PCDH8: variants seen among roughly 807,000 people sequenced by gnomAD.
PCDH8 encodes the protein protocadherin 8, also known as protocadherin-8.
Under a neutral mutation model 58.2 loss-of-function variants are expected in PCDH8, and 36 were observed. The ratio of observed to expected loss-of-function variants is 0.62; its 90% confidence interval spans 0.47 to 0.82. PCDH8 has a LOEUF of 0.82. PCDH8 is among the 40% of genes least tolerant of loss of function. The pLI is 0.00. For missense variants in PCDH8, 1,493 were observed against 1,567.8 expected (o/e 0.95, Z 0.81); for synonymous variants, 775 against 728.9 (o/e 1.06, Z -1.02).
At position 52,844,529 on chromosome 13, in the gene PCDH8, C is replaced by A; in HGVS notation, c.*31G>T. The A allele has an allele frequency of 2.0e-6, 3 of 1,519,964 alleles. No individual in the cohort carries two copies. Among genetic ancestry groups the A allele is most frequent in the Non-Finnish European group, 2.7e-6 (3 of 1,132,004 alleles). 94.2% of individuals were successfully genotyped at this position (1,519,964 alleles called of 1,614,324 possible). A position where few individuals can be genotyped will look rare whatever the true frequency, so the allele number is the denominator to read the frequency against. On this transcript the variant is annotated 3_prime_UTR_variant, in exon 3 of 3. Transcript: ENST00000377942. ...TAACTTAGGGGCTTCTCGGAGTGAC[C>A]TGTATATGTGTGAAGACATGCAGCA...
chr13:52,844,743 C>G lies in PCDH8; in HGVS notation c.3030G>C (p.Lys1010Asn), dbSNP rs1965702593. Reference sequence around the variant, plus strand: ...CATAGACGCTCTGCAGCCCCACTGTCTTGGGCAGCTGGGCCTGGTAGTAAT... The same window carrying G: ...CATAGACGCTCTGCAGCCCCACTGTGTTGGGCAGCTGGGCCTGGTAGTAAT... Reference protein sequence around the residue: ...RDNYYQAQLPKTVGLQSVYEK... With the variant: ...RDNYYQAQLPNTVGLQSVYEK... Residue 1010 changes from lysine to asparagine, a missense_variant, in exon 3 of 3, where the codon AAG becomes AAC. Transcript: ENST00000377942. 6.2e-7 allele frequency: 1 copy of G among 1,613,550 alleles called. No individual in the cohort carries two copies. The highest frequency in any genetic ancestry group is 1.3e-5 in the African/African-American group (1 of 74,914).
rs749861077 is a variant in PCDH8 at position 52,847,315 on chromosome 13, G to A, written c.1122C>T (p.Ala374=). The A allele has an allele frequency of 4.3e-6, 6 of 1,407,620 alleles. No homozygotes were observed. In the Admixed American group the frequency reaches 2.0e-4, roughly 47 times the overall value. The allele number at this position is 1,407,620 out of a possible 1,614,324, so 87.2% of individuals were successfully genotyped here. The change falls in exon 1 of 3, where the codon GCC becomes GCT. Residue 374 remains alanine, a synonymous_variant. Transcript: ENST00000377942. ...CCGCTCCCCCGAGTGCAGCGGCGGC[G>A]GCGGCAGCGGCGAAGGGTGAGGTTG... ...APATSPFAAA[A]AAAALGGADA...
intron 2 of PCDH8, 94 bp from the exon 3 acceptor site, chr13:52,845,027 G>C (rs1965708356): frequency 7.3e-7 from 1 of 1,360,596 alleles, no homozygotes; most frequent in Non-Finnish European, 1.0e-6. Context: ...CTGGGTCAGG[G>C]CAGCTGAAAG....
Position 52,848,581 on chromosome 13 carries a change from G to C in PCDH8, c.-145C>G. 7.1e-7 allele frequency: 1 copy of C among 1,403,654 alleles called. No homozygotes were observed. Among genetic ancestry groups the C allele is most frequent in the Non-Finnish European group, 9.3e-7 (1 of 1,075,864 alleles). 86.9% of individuals were successfully genotyped at this position (1,403,654 alleles called of 1,614,324 possible). A position where few individuals can be genotyped will look rare whatever the true frequency, so the allele number is the denominator to read the frequency against. ...CGGGTAGCAGCTCCGAGCCTCCAGCGGGCTCTGAGGACGCGCGGACCCGCC... is the reference window on the plus strand; with the variant it reads ...CGGGTAGCAGCTCCGAGCCTCCAGCCGGCTCTGAGGACGCGCGGACCCGCC... On this transcript the variant is annotated 5_prime_UTR_variant, in exon 1 of 3. Transcript: ENST00000377942.
At position 52,844,909 on chromosome 13, in the gene PCDH8, C is replaced by A. The variant is rs752537106; in HGVS notation, c.2864G>T (p.Cys955Phe). ...QSGLWACTAE[C>F]KILGHSDRCW... ...GCGGTCAGAGTGGCCCAGGATCTTA[C>A]ACTCAGCGGTGCACGCCCACAGTCC... Residue 955 changes from cysteine (C) to phenylalanine (F), a missense_variant, in exon 3 of 3, where the codon TGT (cysteine) becomes TTT (phenylalanine). Cys to Phe is a radical substitution (Grantham distance 205, BLOSUM62 -2). Transcript: ENST00000377942. 6.5e-7 allele frequency: 1 copy of A among 1,538,826 alleles called. No homozygotes were observed. Among genetic ancestry groups the A allele is most frequent in the Middle Eastern group, 1.8e-4 (1 of 5,712 alleles).
At position 52,846,403 on chromosome 13, in the gene PCDH8, C is replaced by G. The variant is rs545449512; in HGVS notation, c.2034G>C (p.Ser678=). ...TGAACACGCGACCGGGTGGCTCCTG[C>G]GAGAGGTCGCCGGTGAGCAGTATCT... ...TGEILLTGDL[S]QEPPGRVFRA... is the part of the protein sequence containing the mutation. Residue 678 remains serine (S), a synonymous_variant, in exon 1 of 3, where the codon TCG becomes TCC. Coordinates refer to ENST00000377942, the MANE Select transcript of PCDH8 (RefSeq NM_002590.4). 28 of 1,594,708 alleles carry G rather than the reference C, an allele frequency of 1.8e-5. No homozygotes were observed. The East Asian group carries it at 6.3e-4, about 36-fold the overall frequency.
At chr13:52,845,711 C>G in intron 1 of PCDH8, 79 bp from the exon 2 acceptor site, 2 of 1,543,524 alleles carry the variant, frequency 1.3e-6, no homozygotes, top group Non-Finnish European at 1.7e-6. Flanking sequence ...GACAGGTTGT[C>G]TACCTGAATG....
chr13:52,846,599 G>T lies in PCDH8; in HGVS notation c.1838C>A (p.Ala613Glu). 2 of 1,605,756 alleles carry T rather than the reference G, an allele frequency of 1.2e-6. No homozygotes were observed. The highest frequency in any genetic ancestry group is 8.5e-7 in the Non-Finnish European group (1 of 1,178,926). ...NDHAPVLVHPAPANGSLEVAV... is the reference protein window; with the variant it reads ...NDHAPVLVHPEPANGSLEVAV... ...CACTTCTAGGGAGCCATTGGCTGGC[G>T]CCGGGTGCACCAGGACTGGCGCATG... is the stretch of plus-strand genomic sequence containing the variant. The change falls in exon 1 of 3, where the codon GCG (alanine) becomes GAG (glutamate). Residue 613 changes from alanine to glutamate, a missense_variant. Physicochemically the swap from Ala to Glu is moderately radical, Grantham distance 107 (BLOSUM62 -1). Transcript: ENST00000377942.
In PCDH8 at chr13:52,843,027, T is replaced by C. The variant is rs1196224577; in HGVS notation, c.*1533A>G. On this transcript the variant is annotated 3_prime_UTR_variant, in exon 3 of 3. Coordinates refer to ENST00000377942, the MANE Select transcript of PCDH8 (RefSeq NM_002590.4). ...TTCTTTAATTGCAAAATGGAGTTAA[T>C]GATACTTCCCATATCCTGGGGGTAG... The C allele has an allele frequency of 6.6e-6, 1 of 152,238 alleles. No individual in the cohort carries two copies. Among genetic ancestry groups the C allele is most frequent in the Admixed American group, 6.5e-5 (1 of 15,284 alleles). The allele number at this position is 152,238 out of a possible 1,614,324, so 9.4% of individuals were successfully genotyped here.
In PCDH8 at chr13:52,845,916, G is replaced by T. The variant is rs1293292772; in HGVS notation, c.2521C>A (p.Pro841Thr). ...ACTTCGGCCGCGGCGACCGCAGGCG[G>T]AGGCGCGTCCGCCGCGGGGCTGCCA... ...PFGSPAADAP[P>T]PAVAAAEVPG... The change falls in exon 1 of 3, where the codon CCG becomes ACG. Residue 841 changes from proline to threonine, a missense_variant. Physicochemically the swap from Pro to Thr is conservative, Grantham distance 38 (BLOSUM62 -1). Transcript: ENST00000377942. 4.7e-6 allele frequency: 7 copies of T among 1,478,378 alleles called. No individual in the cohort carries two copies. The highest frequency in any genetic ancestry group is 6.2e-6 in the Non-Finnish European group (7 of 1,126,932). The allele number at this position is 1,478,378 out of a possible 1,614,324, so 91.6% of individuals were successfully genotyped here.
intron 2 of PCDH8, 139 bp from the exon 3 acceptor site, chr13:52,845,072 A>C: frequency 3.2e-6 from 3 of 923,500 alleles, no homozygotes; most frequent in Non-Finnish European, 4.8e-6. Flanking sequence ...ACCGTGTCTC[A>C]AGAATCGAAG....
chr13:52,846,340 CG>C lies in PCDH8; in HGVS notation c.2096del (p.Pro699ArgfsTer12). The C allele has an allele frequency of 1.3e-6, 2 of 1,564,918 alleles. No homozygotes were observed. ...LLVISDGGRP[P>X]LTTTATVSFV... ...AGCTGACAGTTGCGGTGGTGGTGAG[CG>C]GGGGACGGCCGCCGTCGGATATGAC... On this transcript the variant is annotated frameshift_variant, in exon 1 of 3. Transcript: ENST00000377942. LOFTEE classifies it high-confidence loss of function.
chr13:52,847,201 G>A lies in PCDH8; in HGVS notation c.1236C>T (p.Ala412=). The A allele has an allele frequency of 7.0e-7, 1 of 1,430,948 alleles. No homozygotes were observed. Among genetic ancestry groups the A allele is most frequent in the Non-Finnish European group, 9.1e-7 (1 of 1,100,220 alleles). 88.6% of individuals were successfully genotyped at this position (1,430,948 alleles called of 1,614,324 possible). The change falls in exon 1 of 3, where the codon GCC becomes GCT. Residue 412 remains alanine (A), a synonymous_variant. Coordinates refer to ENST00000377942, the MANE Select transcript of PCDH8 (RefSeq NM_002590.4). Reference sequence around the variant, plus strand: ...AGTCCCTGTCCGAGGTGCTGACCAGGGCCACCAGGCTCTCGCGCGCCGCCC... The same window carrying A: ...AGTCCCTGTCCGAGGTGCTGACCAGAGCCACCAGGCTCTCGCGCGCCGCCC... ...PEGAARESLV[A]LVSTSDRDSG... is the part of the protein sequence containing the mutation.
chr13:52,845,706 G>A (rs1965718476), intron 1 of PCDH8, 74 bp from the exon 2 acceptor site: 2 of 1,553,976 alleles, frequency 1.3e-6, no homozygotes, highest in South Asian at 1.2e-5. Context: ...AGTGCGACAG[G>A]TTGTCTACCT....
chr13:52,844,957 C>T, intron 2 of PCDH8, 24 bp from the exon 3 acceptor site: 15 of 1,510,240 alleles, frequency 9.9e-6, no homozygotes, highest in Non-Finnish European at 1.3e-5. Flanking sequence ...GAAAAGGAAA[C>T]AGCATGACGA....
chr13:52,846,107 C>G lies in PCDH8; in HGVS notation c.2330G>C (p.Arg777Pro), dbSNP rs1164684608. 17 of 1,579,952 alleles carry G rather than the reference C, an allele frequency of 1.1e-5. No individual in the cohort carries two copies. Among genetic ancestry groups the G allele is most frequent in the Admixed American group, 1.7e-5 (1 of 58,086 alleles). The change falls in exon 1 of 3, where the codon CGC (arginine) becomes CCC (proline). Residue 777 changes from arginine (R) to proline (P), a missense_variant. Arg to Pro is a moderately radical substitution (Grantham distance 103). This residue lies in a region of PCDH8 where 1,307 missense variants were observed against 1,362.7 expected (regional missense o/e 0.96). Transcript: ENST00000377942. ...CCCCCCTTTGCGCACCTCCTTCTTG[C>G]GGCGGTTGCAGGTGGTGGCGATGGC... is the stretch of plus-strand genomic sequence containing the variant. ...IIAIATTCNR[R>P]KKEVRKGGAL...
chr13:52,847,235 A>C lies in PCDH8; in HGVS notation c.1202T>G (p.Val401Gly). The change falls in exon 1 of 3, where the codon GTG becomes GGG. Residue 401 changes from valine (V) to glycine (G), a missense_variant. This residue lies in a region of PCDH8 where 1,307 missense variants were observed against 1,362.7 expected (regional missense o/e 0.96). Transcript: ENST00000377942. ...GTPEAGATSL[V>G]PEGAARESLV... ...GCTCTCGCGCGCCGCCCCCTCCGGC[A>C]CCAGCGAAGTGGCACCAGCCTCCGG... 1 of 1,394,070 alleles carries C rather than the reference A, an allele frequency of 7.2e-7. No individual in the cohort carries two copies. Among genetic ancestry groups the C allele is most frequent in the Non-Finnish European group, 9.2e-7 (1 of 1,081,384 alleles). The allele number at this position is 1,394,070 out of a possible 1,614,324, so 86.4% of individuals were successfully genotyped here.
rs765681481 is a variant in PCDH8 at position 52,846,100 on chromosome 13, C to T, written c.2337G>A (p.Lys779=). The T allele has an allele frequency of 1.3e-6, 2 of 1,581,478 alleles. No homozygotes were observed. The highest frequency in any genetic ancestry group is 2.3e-5 in the South Asian group (2 of 88,636). ...AIATTCNRRK[K]EVRKGGALRE... ...GGAGGGCCCCCCCTTTGCGCACCTC[C>T]TTCTTGCGGCGGTTGCAGGTGGTGG... Residue 779 remains lysine, a synonymous_variant, in exon 1 of 3, where the codon AAG becomes AAA. Transcript: ENST00000377942.
At position 52,844,557 on chromosome 13, in the gene PCDH8, G is replaced by A. The variant is rs754888231; in HGVS notation, c.*3C>T. 1.3e-6 allele frequency: 2 copies of A among 1,579,176 alleles called. No individual in the cohort carries two copies. The highest frequency in any genetic ancestry group is 1.7e-6 in the Non-Finnish European group (2 of 1,162,340). ...TATATGTGTGAAGACATGCAGCATG[G>A]GATTACACATTTTCATTGGCTCCCT... On this transcript the variant is annotated 3_prime_UTR_variant, in exon 3 of 3. Transcript: ENST00000377942.
Sources: allele counts gnomAD v4.1 joint callset, GRCh38; gene constraint gnomAD v4.1.1; regional missense constraint gnomAD v4.1.1; transcripts MANE v1.5; gene names NCBI Gene and HGNC (gene_info 2026-07-23, HGNC 2026-07-21).